The following KIF6 variants were observed in gnomAD, a reference collection of about 807,000 sequenced individuals.
KIF6 encodes kinesin family member 6.
KIF6 carries 106 observed loss-of-function variants against 112.7 expected under a neutral mutation model. The ratio of observed to expected loss-of-function variants is 0.94; its 90% CI spans 0.80 to 1.11. The LOEUF (loss-of-function observed/expected upper bound fraction) is 1.11, where lower values mean the gene tolerates loss of function less well. Ranked by LOEUF, KIF6 falls within the 50% of genes least tolerant of loss-of-function variation. The pLI is 0.00. For missense variants in KIF6, 929 were observed against 964.0 expected (o/e 0.96, Z 0.48); for synonymous variants, 339 against 339.9 (o/e 1.00, Z 0.03).
chr6:39,346,250 G>A (rs753368840), intron 20 of KIF6: 86 of 656,026 alleles, frequency 1.3e-4, no homozygotes, highest in Non-Finnish European at 1.9e-4. Context: ...GCTGTGCTAC[G>A]GACTGGAGGT....
At chr6:39,602,679 T>C (rs986777936) in intron 6 of KIF6, among the ~76,000 whole-genome samples, 1 of 152,180 alleles carries the variant, frequency 6.6e-6, no homozygotes, top group Non-Finnish European at 1.5e-5. Context: ...GTCTAAAAAT[T>C]AGAACTATTT....
intron 6 of KIF6, among the ~76,000 whole-genome samples, chr6:39,612,034 T>C (rs1463066245): frequency 6.6e-6 from 1 of 152,176 alleles, no homozygotes; most frequent in African/African-American, 2.4e-5. Flanking sequence ...ATAAGTTAGC[T>C]AGTCTATTGA....
chr6:39,466,612 C>T (rs1180749829), intron 13 of KIF6, among the ~76,000 whole-genome samples: 1 of 152,012 alleles, frequency 6.6e-6, no homozygotes, highest in Non-Finnish European at 1.5e-5. Context: ...GATGGAAGCT[C>T]TACTCTGGAT....
chr6:39,468,705 A>G (rs1037348299), intron 13 of KIF6, among the ~76,000 whole-genome samples: 3 of 152,118 alleles, frequency 2.0e-5, no homozygotes, highest in Non-Finnish European at 2.9e-5. Flanking sequence ...CTTACAAGAA[A>G]TATGAAAGGA....
chr6:39,614,195 C>T (rs1783371933), intron 5 of KIF6, among the ~76,000 whole-genome samples: 2 of 152,138 alleles, frequency 1.3e-5, no homozygotes, highest in Admixed American at 1.3e-4. Context: ...CATAAAGTTA[C>T]TAAAGAGAGT....
chr6:39,638,329 C>T (rs569124471), intron 4 of KIF6, among the ~76,000 whole-genome samples: 1 of 152,212 alleles, frequency 6.6e-6, no homozygotes, highest in South Asian at 2.1e-4. Flanking sequence ...TTTCTCAGAA[C>T]CAGGTTGACC....
intron 3 of KIF6, among the ~76,000 whole-genome samples, chr6:39,692,731 G>A (rs1788289418): frequency 6.6e-6 from 1 of 152,084 alleles, no homozygotes; most frequent in Non-Finnish European, 1.5e-5. Flanking sequence ...CCTATACTTT[G>A]ATAAATTTAC....
Position 39,342,990 on chromosome 6 carries a change from A to G in KIF6, c.2428+719T>C. On this transcript the variant is annotated intron_variant, in intron 22 of 22. Transcript: ENST00000287152. This position sits in a 1 kb window ranked among gnomAD's most constrained non-coding sequence, Gnocchi z 4.7. The stretch of plus-strand genomic sequence containing the variant: ...GAAGGCAATGTTAAGCCTGCCTAGT[A>G]GCCTTTGGGTTATGGGGAGGAGGCT... 1.0e-6 allele frequency: 1 copy of G among 985,436 alleles called. No homozygotes were observed. 61.0% of individuals were successfully genotyped at this position (985,436 alleles called of 1,614,324 possible). A position where few individuals can be genotyped will look rare whatever the true frequency, so the allele number is the denominator to read the frequency against.
At chr6:39,658,922 G>C (rs1291762698) in intron 3 of KIF6, among the ~76,000 whole-genome samples, 1 of 152,208 alleles carries the variant, frequency 6.6e-6, no homozygotes, top group East Asian at 1.9e-4. Context: ...CTTTGGGCTA[G>C]AAGGACCAGT....
chr6:39,591,532 T>C (rs2150674935), intron 7 of KIF6, among the ~76,000 whole-genome samples: 1 of 152,336 alleles, frequency 6.6e-6, no homozygotes, highest in South Asian at 2.1e-4. Context: ...GAAGGAAATG[T>C]TCTTTATGAA....
intron 10 of KIF6, among the ~76,000 whole-genome samples, chr6:39,558,798 C>A (rs986631798): frequency 6.6e-6 from 1 of 152,130 alleles, no homozygotes; most frequent in Non-Finnish European, 1.5e-5. Context: ...TATGCCTCAT[C>A]CTTTTTAAAT....
chr6:39,485,724 G>C (rs1775073322), intron 13 of KIF6, among the ~76,000 whole-genome samples: 1 of 152,122 alleles, frequency 6.6e-6, no homozygotes, highest in African/African-American at 2.4e-5. Flanking sequence ...ACAACAAACA[G>C]CAAGCCACTG....
At chr6:39,544,721 C>T (rs749083378) in intron 11 of KIF6, 28 bp from the exon 12 acceptor site, 2 of 1,386,700 alleles carry the variant, frequency 1.4e-6, no homozygotes, top group South Asian at 2.7e-5. Flanking sequence ...AGCTTAGTAC[C>T]CATATCTCTA....
chr6:39,530,626 C>T (rs541252505), intron 13 of KIF6, among the ~76,000 whole-genome samples: 2 of 152,070 alleles, frequency 1.3e-5, no homozygotes, highest in Admixed American at 6.5e-5. Flanking sequence ...ACCATGAATT[C>T]GGTTTCATTT....
chr6:39,534,780 A>G (rs1308832226), intron 13 of KIF6, among the ~76,000 whole-genome samples: 2 of 152,246 alleles, frequency 1.3e-5, no homozygotes, highest in Non-Finnish European at 2.9e-5. Flanking sequence ...CAAAGTTGAA[A>G]TGAAGGAAAA....
chr6:39,668,130 TC>T (rs1786593465), intron 3 of KIF6, among the ~76,000 whole-genome samples: 1 of 152,206 alleles, frequency 6.6e-6, no homozygotes, highest in Non-Finnish European at 1.5e-5. Flanking sequence ...GTCACCATAC[TC>T]CCTGTACAGC....
chr6:39,456,718 A>G (rs1773137551), intron 13 of KIF6, among the ~76,000 whole-genome samples: 1 of 82,876 alleles, frequency 1.2e-5, no homozygotes, highest in East Asian at 3.4e-4. Flanking sequence ...AGGGGTTGCA[A>G]TCCTAGTCTC....
intron 3 of KIF6, among the ~76,000 whole-genome samples, chr6:39,649,306 G>A (rs773723460): frequency 1.3e-5 from 2 of 152,102 alleles, no homozygotes; most frequent in South Asian, 2.1e-4. Context: ...GCTAGCCTTC[G>A]TCAACCTAAA....
chr6:39,648,377 T>G (rs1172115873), intron 3 of KIF6, among the ~76,000 whole-genome samples: 1 of 152,128 alleles, frequency 6.6e-6, no homozygotes, highest in Non-Finnish European at 1.5e-5. Flanking sequence ...CCTTCAGTTC[T>G]TCTTTGAGCT....
Sources: allele counts gnomAD v4.1 joint callset (sites outside exome capture counted in the v4.1 genomes callset), GRCh38; gene constraint gnomAD v4.1.1; non-coding constraint Gnocchi (gnomAD v3.1); transcripts MANE v1.5; gene names NCBI Gene and HGNC (gene_info 2026-07-23, HGNC 2026-07-21).